Variants in LHX2 observed in about 807,000 individuals in gnomAD.
LHX2 encodes the protein LIM/homeobox protein Lhx2.
A neutral mutation model predicts 33.0 loss-of-function variants in LHX2; 6 were observed. That is an observed-to-expected ratio of 0.18 (90% confidence interval 0.10 to 0.36). The LOEUF is 0.36. Ranked by LOEUF, LHX2 falls within the 10% of genes least tolerant of loss-of-function variation. LHX2 has a pLI of 1.00. For synonymous variants in LHX2, 292 were observed against 253.1 expected (o/e 1.15, Z -1.46); for missense variants, 442 against 586.2 (o/e 0.75, Z 2.54).
rs574111621 is a variant in LHX2, at chr9:124,014,293, C to T, written c.323+130C>T. 1.1e-4 allele frequency: 69 copies of T among 622,440 alleles called. No individual in the cohort carries two copies. Among genetic ancestry groups the T allele is most frequent in the Admixed American group, 7.5e-4 (31 of 41,078 alleles). The allele number at this position is 622,440 out of a possible 1,614,324, so 38.6% of individuals were successfully genotyped here. On this transcript the variant is annotated intron_variant, in intron 2 of 4. Coordinates refer to ENST00000373615, the MANE Select transcript of LHX2 (RefSeq NM_004789.4). This position sits in a 1 kb window ranked among gnomAD's most constrained non-coding sequence, Gnocchi z 4.8. ...CTACTCAGGACTCCCCCGCTCCCCC[C>T]CCAAGTTCTCCAAGCCACCACAAGT... is the stretch of plus-strand genomic sequence containing the variant.
chr9:124,030,400 G>A (rs1162025427), intron 4 of LHX2, among the ~76,000 whole-genome samples: 1 of 152,172 alleles, frequency 6.6e-6, no homozygotes, highest in Non-Finnish European at 1.5e-5. Flanking sequence ...TTGTTTTATG[G>A]GGAGGCTTCT....
intron 4 of LHX2, among the ~76,000 whole-genome samples, chr9:124,028,552 C>T (rs1445541681): frequency 4.6e-5 from 7 of 152,122 alleles, no homozygotes; most frequent in African/African-American, 1.4e-4. Context: ...AAACTGAGGC[C>T]GGTCCAGAGG....
At chr9:124,025,617 G>A (rs759817165) in intron 4 of LHX2, among the ~76,000 whole-genome samples, 23 of 152,118 alleles carry the variant, frequency 1.5e-4, no homozygotes, top group Non-Finnish European at 2.5e-4. Flanking sequence ...TGATTTGGGT[G>A]GGTGAAGGTC....
chr9:124,019,810 C>T (rs1052460298), intron 3 of LHX2, among the ~76,000 whole-genome samples: 1 of 152,336 alleles, frequency 6.6e-6, no homozygotes, highest in Non-Finnish European at 1.5e-5. Flanking sequence ...CCTTATGAGG[C>T]TTACCCCAAG....
chr9:124,029,105 C>G (rs1284386932), intron 4 of LHX2, among the ~76,000 whole-genome samples: 16 of 151,648 alleles, frequency 1.1e-4, no homozygotes, highest in Admixed American at 9.8e-4. Flanking sequence ...GAGCAAGACT[C>G]TGTCTCAAAA....
Position 124,032,312 on chromosome 9 carries a change from C to A in LHX2, c.934-108C>A. Reference sequence around the variant, plus strand: ...AACCTGACTTTTTGGATCCTCTTGGCAAAACACAGATCAGCGTCCCCAGAG... The same window carrying A: ...AACCTGACTTTTTGGATCCTCTTGGAAAAACACAGATCAGCGTCCCCAGAG... On this transcript the variant is annotated intron_variant, in intron 4 of 4. Coordinates refer to ENST00000373615, the MANE Select transcript of LHX2 (RefSeq NM_004789.4). The surrounding 1 kb of genome is among the most constrained non-coding windows in gnomAD (Gnocchi z 4.1). The A allele has an allele frequency of 7.4e-7, 1 of 1,342,804 alleles. No individual in the cohort carries two copies. The highest frequency in any genetic ancestry group is 9.9e-7 in the Non-Finnish European group (1 of 1,005,436). The allele number at this position is 1,342,804 out of a possible 1,614,324, so 83.2% of individuals were successfully genotyped here.
chr9:124,033,108 G>T lies in LHX2; in HGVS notation c.*401G>T. 1 of 144,120 alleles carries T rather than the reference G, an allele frequency of 6.9e-6. No homozygotes were observed. Among genetic ancestry groups the T allele is most frequent in the Non-Finnish European group, 1.5e-5 (1 of 66,956 alleles). The allele number at this position is 144,120 out of a possible 1,614,324, so 8.9% of individuals were successfully genotyped here. On this transcript the variant is annotated 3_prime_UTR_variant, in exon 5 of 5. Coordinates refer to ENST00000373615, the MANE Select transcript of LHX2 (RefSeq NM_004789.4). Reference sequence around the variant, plus strand: ...GTATATTTATGACCAGAGCAAAAATGTAAAAAACAAAAAAAACAACAAAAA... The same window carrying T: ...GTATATTTATGACCAGAGCAAAAATTTAAAAAACAAAAAAAACAACAAAAA...
chr9:124,029,450 C>A (rs146075909), intron 4 of LHX2, among the ~76,000 whole-genome samples: 1 of 152,126 alleles, frequency 6.6e-6, no homozygotes, highest in African/African-American at 2.4e-5. Context: ...GAAGAACAAA[C>A]CCCACACAAC....
chr9:124,013,781 C>A (rs1588344619), intron 1 of LHX2, among the ~76,000 whole-genome samples, 180 bp from the exon 2 acceptor site: 1 of 152,354 alleles, frequency 6.6e-6, no homozygotes, highest in African/African-American at 2.4e-5. Flanking sequence ...GGTTCTGAAC[C>A]GCCCAGAAAT....
At chr9:124,027,817 CA>C (rs1276253267) in intron 4 of LHX2, among the ~76,000 whole-genome samples, 1 of 148,618 alleles carries the variant, frequency 6.7e-6, no homozygotes, top group Non-Finnish European at 1.5e-5. Flanking sequence ...GACTTCATCT[CA>C]AAAAAAAAGA....
Position 124,012,054 on chromosome 9 carries a change from C to T in LHX2, c.-295C>T, listed in dbSNP as rs868607107. The T allele has an allele frequency of 6.3e-6, 1 of 159,846 alleles. No individual in the cohort carries two copies. The highest frequency in any genetic ancestry group is 1.4e-5 in the Non-Finnish European group (1 of 73,222). 9.9% of individuals were successfully genotyped at this position (159,846 alleles called of 1,614,324 possible). A position where few individuals can be genotyped will look rare whatever the true frequency, so the allele number is the denominator to read the frequency against. ...GCCCGCGGCGGGCGCCGACCTCTGT[C>T]CTAGTCTCCTGCTCCCCCCGCCCCG... On this transcript the variant is annotated 5_prime_UTR_variant, in exon 1 of 5. Transcript: ENST00000373615. This position sits in a 1 kb window ranked among gnomAD's most constrained non-coding sequence, Gnocchi z 4.3.
In LHX2 at chr9:124,030,266, G is replaced by T. The variant is rs569192787; in HGVS notation, c.934-2154G>T. 3.1e-4 allele frequency among the ~76,000 whole-genome samples: 47 copies of T among 152,348 alleles called. 1 individual carries two copies. The South Asian group carries it at 4.8e-3, about 15-fold the overall frequency. ...CCCTGCAGCCGGGGTGGTCCCAAGG[G>T]GTGCGTGGGGCCAGGAGTCAGCCCT... On this transcript the variant is annotated intron_variant, in intron 4 of 4. Coordinates refer to ENST00000373615, the MANE Select transcript of LHX2 (RefSeq NM_004789.4).
chr9:124,032,718 C>T lies in LHX2; in HGVS notation c.*11C>T, dbSNP rs1180118907. ...ACCAACCTTTTCTAATGACTCGCAA[C>T]CCCTCACCCCACAATTTCTTTAAAA... On this transcript the variant is annotated 3_prime_UTR_variant, in exon 5 of 5. Transcript: ENST00000373615. This position sits in a 1 kb window ranked among gnomAD's most constrained non-coding sequence, Gnocchi z 4.1. 2 of 1,542,886 alleles carry T rather than the reference C, an allele frequency of 1.3e-6. No homozygotes were observed. Among genetic ancestry groups the T allele is most frequent in the Non-Finnish European group, 1.8e-6 (2 of 1,142,072 alleles).
chr9:124,012,437 G>T lies in LHX2; in HGVS notation c.89G>T (p.Ser30Ile). 6.5e-7 allele frequency: 1 copy of T among 1,543,056 alleles called. No individual in the cohort carries two copies. Among genetic ancestry groups the T allele is most frequent in the Admixed American group, 1.9e-5 (1 of 52,544 alleles). The change falls in exon 1 of 5, where the codon AGC (serine) becomes ATC (isoleucine). Residue 30 changes from serine (S) to isoleucine (I), a missense_variant. Transcript: ENST00000373615. The surrounding 1 kb of genome is among the most constrained non-coding windows in gnomAD (Gnocchi z 4.3). ...GCCAAGAGCGAGGCTCCCGCCATCA[G>T]CTCCGCCATCGACCGCGGCGACACC... The part of the protein sequence containing the change: ...RRAKSEAPAI[S>I]SAIDRGDTET...
At chr9:124,026,051 T>C (rs1021011611) in intron 4 of LHX2, among the ~76,000 whole-genome samples, 5 of 152,140 alleles carry the variant, frequency 3.3e-5, no homozygotes, top group Admixed American at 6.5e-5. Context: ...TGTGAGAATT[T>C]AGGAGTTGAG....
Position 124,032,545 on chromosome 9 carries a change from C to G in LHX2, c.1059C>G (p.Leu353=). Residue 353 remains leucine, a synonymous_variant, in exon 5 of 5, where the codon CTC becomes CTG. Coordinates refer to ENST00000373615, the MANE Select transcript of LHX2 (RefSeq NM_004789.4). This position sits in a 1 kb window ranked among gnomAD's most constrained non-coding sequence, Gnocchi z 4.1. ...TGTPSGPASE[L]SNASLSPSST... Reference sequence around the variant, plus strand: ...CGCCATCGGGCCCGGCCTCGGAGCTCTCCAACGCCTCGCTCAGCCCCTCCA... The same window carrying G: ...CGCCATCGGGCCCGGCCTCGGAGCTGTCCAACGCCTCGCTCAGCCCCTCCA... The G allele has an allele frequency of 1.2e-6, 2 of 1,614,082 alleles. No individual in the cohort carries two copies. Among genetic ancestry groups the G allele is most frequent in the Non-Finnish European group, 8.5e-7 (1 of 1,180,020 alleles).
In LHX2 at chr9:124,015,061, G is replaced by T; in HGVS notation, c.324-61G>T. On this transcript the variant is annotated intron_variant, in intron 2 of 4. Transcript: ENST00000373615. The surrounding 1 kb of genome is among the most constrained non-coding windows in gnomAD (Gnocchi z 7.9). Reference sequence around the variant, plus strand: ...CCCGCAGCAGCAGCGGCACCTGGAGGAGGAAAAGGGGGGTACCCAACCGTG... The same window carrying T: ...CCCGCAGCAGCAGCGGCACCTGGAGTAGGAAAAGGGGGGTACCCAACCGTG... 6.3e-7 allele frequency: 1 copy of T among 1,579,328 alleles called. No homozygotes were observed.
chr9:124,018,877 C>T lies in LHX2; in HGVS notation c.728-2222C>T, dbSNP rs564454725. Among the ~76,000 whole-genome samples, 3 of 152,330 alleles carry T rather than the reference C, an allele frequency of 2.0e-5. No individual in the cohort carries two copies. The East Asian group carries it at 5.8e-4, about 29-fold the overall frequency. ...CTCTGCCCTTTCTGTCCCCCTCCCC[C>T]GCACTACTACCCCACCTAGGCGGCA... On this transcript the variant is annotated intron_variant, in intron 3 of 4. Transcript: ENST00000373615.
At chr9:124,013,331 G>C (rs1859126151) in intron 1 of LHX2, among the ~76,000 whole-genome samples, 1 of 152,214 alleles carries the variant, frequency 6.6e-6, no homozygotes, top group Non-Finnish European at 1.5e-5. Context: ...GAAGTATTTG[G>C]GTTGAACCTG....
Sources: gnomAD v4.1 joint callset for allele counts (sites outside exome capture counted in the v4.1 genomes callset) on GRCh38, gnomAD v4.1.1 for gene constraint, Gnocchi (gnomAD v3.1) non-coding constraint, MANE v1.5 for transcripts, NCBI Gene and HGNC (gene_info 2026-07-23, HGNC 2026-07-21) for gene names.